ADGRV1: variants seen among roughly 807,000 people sequenced by gnomAD.
The protein encoded by ADGRV1 is adhesion G protein-coupled receptor V1, also known as G-protein coupled receptor 98.
In ADGRV1, 359 loss-of-function variants were observed where a neutral mutation model predicts 596.2. The observed-to-expected ratio is 0.60, with a 90% CI of 0.55 to 0.66. The LOEUF (loss-of-function observed/expected upper bound fraction) is 0.66, where lower values mean the gene tolerates loss of function less well. Among genes scored for constraint, ADGRV1 ranks in the 30% least tolerant of loss-of-function variants. The pLI is 0.00. For synonymous variants in ADGRV1, 2,681 were observed against 2,679.2 expected, an observed-to-expected ratio of 1.00 and a Z score of -0.02; for missense variants, 7,274 against 7,575.6, an observed-to-expected ratio of 0.96 and a Z score of 1.48.
At chr5:90,724,454 C>G (rs1331994939) in intron 45 of ADGRV1, among the ~76,000 whole-genome samples, 1 of 152,134 alleles carries the variant, frequency 6.6e-6, no homozygotes, top group Non-Finnish European at 1.5e-5. Context: ...GTCTCAAACT[C>G]TTGACCTCAA....
intron 83 of ADGRV1, among the ~76,000 whole-genome samples, chr5:90,939,192 G>T (rs1775964395): frequency 6.6e-6 from 1 of 152,098 alleles, no homozygotes; most frequent in Non-Finnish European, 1.5e-5. Flanking sequence ...AAACCTCAAA[G>T]TTACATTTTA....
chr5:91,153,532 T>C (rs184101574), intron 89 of ADGRV1, 134 bp downstream of exon 89: 3 of 486,118 alleles, frequency 6.2e-6, no homozygotes, highest in African/African-American at 2.0e-5. Flanking sequence ...CCATTCCTAA[T>C]CCCAGGAAAA....
chr5:90,578,879 A>C (rs1409109865), intron 1 of ADGRV1, among the ~76,000 whole-genome samples: 1 of 151,686 alleles, frequency 6.6e-6, no homozygotes, highest in Non-Finnish European at 1.5e-5. Context: ...TTTCTTCTAG[A>C]TTTTCTAGTT....
At chr5:90,848,515 T>A (rs1263005371) in intron 78 of ADGRV1, 122 bp from the exon 79 acceptor site, 1 of 432,008 alleles carries the variant, frequency 2.3e-6, no homozygotes, top group Non-Finnish European at 3.8e-6. Context: ...TAAGTTTTCA[T>A]AGGTTTATCC....
At chr5:91,008,001 A>G (rs1353548297) in intron 85 of ADGRV1, among the ~76,000 whole-genome samples, 6 of 152,166 alleles carry the variant, frequency 3.9e-5, no homozygotes, top group African/African-American at 1.4e-4. Context: ...ATGTTATTCT[A>G]TGACACGTCC....
At chr5:90,855,002 C>G (rs1766888899) in intron 81 of ADGRV1, among the ~76,000 whole-genome samples, 1 of 152,016 alleles carries the variant, frequency 6.6e-6, no homozygotes, top group Non-Finnish European at 1.5e-5. Context: ...CTGAAATCTT[C>G]AATATATAAT....
At chr5:90,796,617 A>T (rs1359023408) in intron 70 of ADGRV1, among the ~76,000 whole-genome samples, 2 of 152,196 alleles carry the variant, frequency 1.3e-5, no homozygotes, top group Non-Finnish European at 2.9e-5. Context: ...CAGGAAATAC[A>T]GAGTACACCA....
At chr5:90,706,920 A>G (rs899169723) in intron 38 of ADGRV1, among the ~76,000 whole-genome samples, 3 of 151,804 alleles carry the variant, frequency 2.0e-5, no homozygotes, top group African/African-American at 7.3e-5. Flanking sequence ...TCTTGTTTAG[A>G]TAGACAGGCC....
At chr5:90,930,035 G>A (rs970226136) in intron 83 of ADGRV1, among the ~76,000 whole-genome samples, 2 of 152,082 alleles carry the variant, frequency 1.3e-5, no homozygotes, top group Non-Finnish European at 2.9e-5. Context: ...TTAGCCATGG[G>A]TGTTGGCTTT....
In ADGRV1 at chr5:90,834,972, CCTTT is replaced by C. The variant is rs1764854025; in HGVS notation, c.16612-5600_16612-5597del. 5.6e-5 allele frequency among the ~76,000 whole-genome samples: 8 copies of C among 143,298 alleles called. No individual in the cohort carries two copies. In the South Asian group the frequency reaches 1.5e-3, roughly 28 times the overall value. The allele number at this position is 143,298 out of a possible 152,430, so 94.0% of individuals were successfully genotyped here. On this transcript the variant is annotated intron_variant, in intron 77 of 89. Coordinates refer to ENST00000405460, the MANE Select transcript of ADGRV1 (RefSeq NM_032119.4). ...TTTCTCCTTCCTTCCTTCCTTACTT[CCTTT>C]CTTTCCTTCTTTCTTTCTTATTCTT... is the stretch of plus-strand genomic sequence containing the variant.
intron 83 of ADGRV1, among the ~76,000 whole-genome samples, chr5:90,962,235 G>A (rs2150957085): frequency 6.6e-6 from 1 of 152,314 alleles, no homozygotes; most frequent in Non-Finnish European, 1.5e-5. Context: ...AAAACATGTA[G>A]CGCCATGCTG....
intron 78 of ADGRV1, among the ~76,000 whole-genome samples, chr5:90,846,109 C>T (rs77196475): frequency 0.025 from 3,823 of 152,254 alleles, 144 homozygotes; most frequent in African/African-American, 0.086. Context: ...TCCACTTTCA[C>T]GATGAGCTTG....
intron 7 of ADGRV1, chr5:90,627,978 T>G: frequency 2.7e-6 from 1 of 370,680 alleles, no homozygotes. Flanking sequence ...ATGTCATTTT[T>G]TCTACCATGG....
chr5:91,119,971 G>A (rs1015996731), intron 87 of ADGRV1, among the ~76,000 whole-genome samples: 20 of 152,286 alleles, frequency 1.3e-4, no homozygotes, highest in Middle Eastern at 3.4e-3. Flanking sequence ...TGCCTATCCA[G>A]CCTTAGGCAG....
chr5:90,886,331 G>T (rs1022466101), intron 83 of ADGRV1, among the ~76,000 whole-genome samples: 8 of 152,130 alleles, frequency 5.3e-5, no homozygotes, highest in Admixed American at 3.3e-4. Flanking sequence ...ACTACCAACT[G>T]CTAGAGGTTG....
chr5:91,151,425 T>C lies in ADGRV1; in HGVS notation c.18624+1204T>C, dbSNP rs1423622745. On this transcript the variant is annotated intron_variant, in intron 88 of 89. Coordinates refer to ENST00000405460, the MANE Select transcript of ADGRV1 (RefSeq NM_032119.4). ...ATCAAAGGGTACAAAATTTGAGTTA[T>C]AAAATGAATAAGTTCAAGTACAGTC... 2.0e-5 allele frequency among the ~76,000 whole-genome samples: 3 copies of C among 152,206 alleles called. No individual in the cohort carries two copies. The East Asian group carries it at 5.8e-4, about 29-fold the overall frequency.
intron 1 of ADGRV1, among the ~76,000 whole-genome samples, chr5:90,573,120 T>TCA (rs1160934): frequency 0.47 from 71,501 of 151,830 alleles, 17,084 homozygotes; most frequent in East Asian, 0.51. Context: ...GCTTTCCAAT[T>TCA]CAGTTTTTCC....
At chr5:90,619,680 C>A (rs1301195581) in intron 4 of ADGRV1, among the ~76,000 whole-genome samples, 1 of 151,620 alleles carries the variant, frequency 6.6e-6, no homozygotes, top group Non-Finnish European at 1.5e-5. Flanking sequence ...ATACATATGC[C>A]ATGCTGGTGT....
intron 60 of ADGRV1, among the ~76,000 whole-genome samples, chr5:90,775,092 C>T (rs1190504577): frequency 6.6e-6 from 1 of 151,988 alleles, no homozygotes. Flanking sequence ...TTTTATTGTG[C>T]TATAAACAAT....
Sources: allele counts gnomAD v4.1 joint callset (sites outside exome capture counted in the v4.1 genomes callset), GRCh38; gene constraint gnomAD v4.1.1; transcripts MANE v1.5; gene names NCBI Gene and HGNC (gene_info 2026-07-23, HGNC 2026-07-21).